TAF12: variants seen among roughly 807,000 people sequenced by gnomAD.
TAF12 encodes transcription initiation factor TFIID subunit 12.
TAF12 carries 3 observed loss-of-function variants against 20.8 expected under a neutral mutation model. The observed-to-expected ratio is 0.14, with a 90% CI of 0.07 to 0.37. TAF12 has a LOEUF of 0.37. Ranked by LOEUF, TAF12 falls within the 10% of genes least tolerant of loss-of-function variation. TAF12 has a pLI of 1.00. For synonymous variants in TAF12, 69 were observed against 70.2 expected (o/e 0.98, Z 0.09); for missense variants, 131 against 197.9 (o/e 0.66, Z 2.03).
upstream of TAF12, among the ~76,000 whole-genome samples, chr1:28,646,583 T>C (rs1231415699): frequency 6.6e-6 from 1 of 152,086 alleles, no homozygotes; most frequent in African/African-American, 2.4e-5. Flanking sequence ...CAAGCTGGAG[T>C]GCAATGGCAC....
intron 3 of TAF12, 76 bp from the exon 4 acceptor site, chr1:28,613,437 G>T: frequency 8.1e-7 from 1 of 1,230,862 alleles, no homozygotes; most frequent in Non-Finnish European, 1.1e-6. Context: ...ACTGCTTTCA[G>T]CTTGGATTGC....
chr1:28,646,696 ATTT>A (rs758006645), upstream of TAF12, among the ~76,000 whole-genome samples: 7 of 124,916 alleles, frequency 5.6e-5, no homozygotes, highest in Non-Finnish European at 6.9e-5. Context: ...CACTCGGCCA[ATTT>A]TTTTTTTTTT....
chr1:28,612,209 G>A (rs1252226477), intron 4 of TAF12, among the ~76,000 whole-genome samples: 1 of 151,948 alleles, frequency 6.6e-6, no homozygotes, highest in Non-Finnish European at 1.5e-5. Context: ...CAGCACTTTG[G>A]GAGGCCAAGG....
chr1:28,636,268 T>C (rs4252975), intron 1 of TAF12, among the ~76,000 whole-genome samples: 54 of 152,252 alleles, frequency 3.5e-4, no homozygotes, highest in Admixed American at 1.4e-3. Flanking sequence ...GAGGACAACA[T>C]GGGAGGACTG....
chr1:28,636,627 A>G (rs550807216), intron 1 of TAF12, among the ~76,000 whole-genome samples: 1 of 151,726 alleles, frequency 6.6e-6, no homozygotes, highest in South Asian at 2.1e-4. Flanking sequence ...TGGTCACTAC[A>G]AATAAAAAAA....
chr1:28,634,051 C>A (rs950301438), intron 1 of TAF12, among the ~76,000 whole-genome samples: 1 of 151,228 alleles, frequency 6.6e-6, no homozygotes, highest in Non-Finnish European at 1.5e-5. Context: ...CCACTGCAAC[C>A]CAGCCTGGAT....
chr1:28,608,060 G>A (rs904707135), intron 4 of TAF12, among the ~76,000 whole-genome samples: 19 of 151,552 alleles, frequency 1.3e-4, no homozygotes, highest in African/African-American at 4.4e-4. Context: ...AGCCGGGCGT[G>A]ATGGCTCATG....
intron 4 of TAF12, among the ~76,000 whole-genome samples, chr1:28,605,954 C>T (rs1256847260): frequency 6.6e-6 from 1 of 152,168 alleles, no homozygotes; most frequent in Admixed American, 6.6e-5. Flanking sequence ...GCCTCAGCCT[C>T]CTGAGTAGCT....
chr1:28,636,271 G>A (rs1441239822), intron 1 of TAF12, among the ~76,000 whole-genome samples: 1 of 152,210 alleles, frequency 6.6e-6, no homozygotes, highest in Non-Finnish European at 1.5e-5. Flanking sequence ...GACAACATGG[G>A]AGGACTGTTT....
chr1:28,639,359 T>C (rs1667957385), intron 1 of TAF12, among the ~76,000 whole-genome samples: 1 of 140,770 alleles, frequency 7.1e-6, no homozygotes, highest in Admixed American at 7.5e-5. Flanking sequence ...AAAGTTGGAG[T>C]GAGCCAAGAT....
At chr1:28,625,888 T>G (rs575225552) in intron 1 of TAF12, among the ~76,000 whole-genome samples, 1 of 151,362 alleles carries the variant, frequency 6.6e-6, no homozygotes, top group South Asian at 2.1e-4. Flanking sequence ...CTATGCTGCC[T>G]AGGCTGGTCT....
At chr1:28,619,029 C>T (rs572188633) in intron 2 of TAF12, among the ~76,000 whole-genome samples, 1 of 151,922 alleles carries the variant, frequency 6.6e-6, no homozygotes, top group South Asian at 2.1e-4. Flanking sequence ...GCCTGGGGAA[C>T]ACAGGAAGAC....
At position 28,621,252 on chromosome 1, in the gene TAF12, C is replaced by T. The variant is rs776600524; in HGVS notation, c.168+662G>A. On this transcript the variant is annotated intron_variant, in intron 2 of 5. Coordinates refer to ENST00000373824, the MANE Select transcript of TAF12 (RefSeq NM_005644.4). Reference sequence around the variant, plus strand: ...CCACTCATTCCCTTGAAATACTGGGCGAACTCATCCATTCTACACAGCCTA... The same window carrying T: ...CCACTCATTCCCTTGAAATACTGGGTGAACTCATCCATTCTACACAGCCTA... Among the ~76,000 whole-genome samples the T allele has an allele frequency of 5.3e-5, 8 of 152,152 alleles. No individual in the cohort carries two copies. The Middle Eastern group carries it at 0.01, about 194-fold the overall frequency.
intron 1 of TAF12, among the ~76,000 whole-genome samples, chr1:28,626,563 AAG>A (rs1667402694): frequency 6.7e-6 from 1 of 148,738 alleles, no homozygotes; most frequent in Admixed American, 6.7e-5. Flanking sequence ...CCCGCGCAAC[AAG>A]AGTGAAACTC....
intron 2 of TAF12, among the ~76,000 whole-genome samples, chr1:28,618,660 T>C (rs920486532): frequency 2.0e-5 from 3 of 151,292 alleles, no homozygotes; most frequent in Non-Finnish European, 4.4e-5. Flanking sequence ...ACTCTTCCTC[T>C]CTTCTTCCTT....
intron 1 of TAF12, among the ~76,000 whole-genome samples, chr1:28,626,132 C>T (rs1667377920): frequency 6.6e-6 from 1 of 151,870 alleles, no homozygotes; most frequent in South Asian, 2.1e-4. Flanking sequence ...GCGCACACCA[C>T]CATGCCTGGC....
intron 3 of TAF12, among the ~76,000 whole-genome samples, chr1:28,615,826 A>C (rs1269248145): frequency 6.6e-6 from 1 of 151,904 alleles, no homozygotes; most frequent in African/African-American, 2.4e-5. Flanking sequence ...TCCATTAGGA[A>C]GGTTGACTTG....
intron 1 of TAF12, among the ~76,000 whole-genome samples, chr1:28,635,701 T>C (rs1667799949): frequency 6.6e-6 from 1 of 152,038 alleles, no homozygotes; most frequent in African/African-American, 2.4e-5. Context: ...GAAGTCTAGC[T>C]GCAACCCTAT....
Position 28,622,093 on chromosome 1 carries a change from C to T in TAF12, c.-12G>A. ...CCAAACTGGTTCATAATCTGCCGAG[C>T]TTTGGACTTCAGCTCATAGAGCTTA... On this transcript the variant is annotated 5_prime_UTR_variant, in exon 2 of 6. Transcript: ENST00000373824. 6.2e-7 allele frequency: 1 copy of T among 1,608,600 alleles called. No homozygotes were observed. Among genetic ancestry groups the T allele is most frequent in the Middle Eastern group, 1.8e-4 (1 of 5,426 alleles).
Sources: allele counts gnomAD v4.1 joint callset (sites outside exome capture counted in the v4.1 genomes callset), GRCh38; gene constraint gnomAD v4.1.1; transcripts MANE v1.5; gene names NCBI Gene and HGNC (gene_info 2026-07-23, HGNC 2026-07-21).